The following NAALADL2 variants were observed in gnomAD, a reference collection of about 807,000 sequenced individuals.
NAALADL2 encodes the protein N-acetylated alpha-linked acidic dipeptidase like 2, also known as inactive N-acetylated-alpha-linked acidic dipeptidase-like protein 2.
NAALADL2 carries 76 observed loss-of-function variants against 87.2 expected under a neutral mutation model. That is an observed-to-expected ratio of 0.87 (90% CI 0.72 to 1.05). The LOEUF is 1.05. NAALADL2 is among the 50% of genes least tolerant of loss of function. The pLI is 0.00. For synonymous variants in NAALADL2, 354 were observed against 331.0 expected (o/e 1.07, Z -0.75); for missense variants, 1,089 against 945.8 (o/e 1.15, Z -1.99).
At chr3:174,984,247 ATT>A in intron 1 of NAALADL2, among the ~76,000 whole-genome samples, 1 of 152,228 alleles carries the variant, frequency 6.6e-6, no homozygotes, top group East Asian at 1.9e-4. Context: ...TATATTTTAG[ATT>A]TAATCATGGC....
chr3:175,613,221 G>A (rs1001323653), intron 10 of NAALADL2, among the ~76,000 whole-genome samples: 2 of 152,138 alleles, frequency 1.3e-5, no homozygotes, highest in East Asian at 3.9e-4. Flanking sequence ...ACCATTTAAT[G>A]ACTTAACGTT....
At chr3:174,868,365 A>T (rs926479962) in intron 1 of NAALADL2, among the ~76,000 whole-genome samples, 1 of 152,160 alleles carries the variant, frequency 6.6e-6, no homozygotes, top group Non-Finnish European at 1.5e-5. Flanking sequence ...TGTATATATT[A>T]GGCATATGCC....
chr3:175,159,047 G>A (rs1732738553), intron 2 of NAALADL2, among the ~76,000 whole-genome samples: 1 of 151,980 alleles, frequency 6.6e-6, no homozygotes, highest in Non-Finnish European at 1.5e-5. Context: ...AAGAGATAAA[G>A]GAAAAAGCAT....
intron 5 of NAALADL2, among the ~76,000 whole-genome samples, chr3:175,346,031 A>C (rs1049413507): frequency 6.6e-6 from 1 of 152,186 alleles, no homozygotes; most frequent in African/African-American, 2.4e-5. Context: ...AATTCATGAG[A>C]AAGTGTATAT....
intron 2 of NAALADL2, among the ~76,000 whole-genome samples, chr3:175,199,068 A>G (rs2109119374): frequency 6.6e-6 from 1 of 152,318 alleles, no homozygotes; most frequent in Non-Finnish European, 1.5e-5. Flanking sequence ...TAGATGCTAT[A>G]CAATTATTTT....
In NAALADL2 at chr3:175,040,985, C is replaced by G. The variant is rs376068920; in HGVS notation, c.44-55805C>G. ...TTTACAGTACATTTTCATTCATGCTCTCTTACTGCCTTAATTTTTCTGTCA... is the reference window on the plus strand; with the variant it reads ...TTTACAGTACATTTTCATTCATGCTGTCTTACTGCCTTAATTTTTCTGTCA... On this transcript the variant is annotated intron_variant, in intron 1 of 13. Coordinates refer to ENST00000454872, the MANE Select transcript of NAALADL2 (RefSeq NM_207015.3). Among the ~76,000 whole-genome samples, 53 of 152,290 alleles carry G rather than the reference C, an allele frequency of 3.5e-4. 1 individual carries two copies. The highest frequency in any genetic ancestry group is 1.2e-3 in the African/African-American group (51 of 41,572).
At chr3:174,747,820 A>G (rs1213651753) in intron 3 of NAALADL2, among the ~76,000 whole-genome samples, 2 of 152,104 alleles carry the variant, frequency 1.3e-5, no homozygotes, top group Non-Finnish European at 2.9e-5. Context: ...GTATATAATC[A>G]AAAGAATATT....
intron 1 of NAALADL2, among the ~76,000 whole-genome samples, chr3:174,474,439 G>A (rs1717095302): frequency 6.6e-6 from 1 of 152,056 alleles, no homozygotes; most frequent in African/African-American, 2.4e-5. Flanking sequence ...GTATGTGTTA[G>A]TTAATGAAGA....
intron 1 of NAALADL2, among the ~76,000 whole-genome samples, chr3:174,928,425 A>G (rs1184765557): frequency 3.3e-5 from 5 of 152,248 alleles, no homozygotes; most frequent in Admixed American, 6.5e-5. Context: ...CATTTTTAGT[A>G]GAGACGGGAT....
At chr3:174,454,527 G>C (rs748404301) in intron 1 of NAALADL2, among the ~76,000 whole-genome samples, 2 of 151,924 alleles carry the variant, frequency 1.3e-5, no homozygotes, top group East Asian at 3.9e-4. Flanking sequence ...AATTGAAATC[G>C]TAAGAACCAC....
chr3:174,893,395 C>T (rs956725589), intron 1 of NAALADL2, among the ~76,000 whole-genome samples: 4 of 151,136 alleles, frequency 2.6e-5, no homozygotes, highest in African/African-American at 4.9e-5. Context: ...CAGCAAAACA[C>T]GGACTATGAT....
intron 2 of NAALADL2, among the ~76,000 whole-genome samples, chr3:174,568,557 A>G (rs1300756933): frequency 6.6e-6 from 1 of 151,904 alleles, no homozygotes; most frequent in Non-Finnish European, 1.5e-5. Flanking sequence ...GCAATGCATG[A>G]TTAATTGCTG....
intron 11 of NAALADL2, among the ~76,000 whole-genome samples, chr3:175,687,755 C>T (rs182037971): frequency 3.9e-4 from 60 of 152,204 alleles, no homozygotes; most frequent in African/African-American, 7.7e-4. Flanking sequence ...GGCTTGGTGC[C>T]GTCCTTGTGA....
chr3:174,933,187 C>G (rs773919229), intron 1 of NAALADL2, among the ~76,000 whole-genome samples: 3 of 152,188 alleles, frequency 2.0e-5, no homozygotes, highest in African/African-American at 7.2e-5. Flanking sequence ...CCTTTTTACC[C>G]TTCTAATTAA....
rs550240901 is a variant in NAALADL2, at chr3:174,896,346, AAATC to A, written c.43+36900_43+36903del. Among the ~76,000 whole-genome samples the A allele has an allele frequency of 6.4e-4, 97 of 152,300 alleles. 1 individual carries two copies. Among genetic ancestry groups the A allele is most frequent in the South Asian group, 2.9e-3 (14 of 4,834 alleles). On this transcript the variant is annotated intron_variant, in intron 1 of 13. Coordinates refer to ENST00000454872, the MANE Select transcript of NAALADL2 (RefSeq NM_207015.3). ...AAATTCATTCAAGTTGCAGGATAAA[AAATC>A]AATATACATTTTGATTTTGTTCACA...
intron 1 of NAALADL2, among the ~76,000 whole-genome samples, chr3:174,932,543 C>A (rs1356495948): frequency 1.3e-5 from 2 of 152,204 alleles, no homozygotes; most frequent in African/African-American, 4.8e-5. Context: ...AATGAAGAGT[C>A]ATTGGGCATA....
At chr3:174,842,853 T>A (rs2109429827) in intron 3 of NAALADL2, among the ~76,000 whole-genome samples, 2 of 152,216 alleles carry the variant, frequency 1.3e-5, no homozygotes, top group South Asian at 4.1e-4. Flanking sequence ...ATTTACTTAA[T>A]AAAACTGCAG....
chr3:174,612,036 T>C (rs1578315613), intron 2 of NAALADL2, among the ~76,000 whole-genome samples: 1 of 152,192 alleles, frequency 6.6e-6, no homozygotes, highest in East Asian at 1.9e-4. Context: ...TTCTTGTTCA[T>C]GTTTGAAAGA....
intron 9 of NAALADL2, among the ~76,000 whole-genome samples, chr3:175,543,227 A>T (rs533630190): frequency 6.6e-6 from 1 of 152,272 alleles, no homozygotes; most frequent in East Asian, 1.9e-4. Context: ...CTTGCAAGGC[A>T]TATGTCAACA....
Sources: allele counts gnomAD v4.1 joint callset (sites outside exome capture counted in the v4.1 genomes callset), GRCh38; gene constraint gnomAD v4.1.1; transcripts MANE v1.5; gene names NCBI Gene and HGNC (gene_info 2026-07-23, HGNC 2026-07-21).